Variants in UQCRH observed in about 807,000 individuals in gnomAD.
UQCRH encodes the protein cytochrome b-c1 complex subunit 6, mitochondrial.
A neutral mutation model predicts 16.3 loss-of-function variants in UQCRH; 14 were observed. The ratio of observed to expected loss-of-function variants is 0.86; its 90% CI spans 0.57 to 1.34. The LOEUF is 1.34. Among genes scored for constraint, UQCRH ranks in the 40% most tolerant of loss-of-function variants. The pLI, the probability that UQCRH is intolerant of heterozygous loss-of-function variation, is 0.00. For synonymous variants in UQCRH, 41 were observed against 41.9 expected, an observed-to-expected ratio of 0.98 and a Z score of 0.08; for missense variants, 89 against 111.9, an observed-to-expected ratio of 0.80 and a Z score of 0.92.
At chr1:46,310,419 G>C in intron 3 of UQCRH, 103 bp downstream of exon 3, 2 of 1,543,388 alleles carry the variant, frequency 1.3e-6, no homozygotes, top group South Asian at 2.4e-5. Context: ...AGTTACTCTG[G>C]GCCCAATATA....
intron 1 of UQCRH, among the ~76,000 whole-genome samples, chr1:46,304,523 C>G (rs1661326187): frequency 6.6e-6 from 1 of 151,874 alleles, no homozygotes; most frequent in Admixed American, 6.6e-5. Flanking sequence ...GTAGCTGGGA[C>G]TACAGGTGTC....
chr1:46,309,264 T>C (rs1006477213), intron 2 of UQCRH, 137 bp downstream of exon 2: 5 of 985,766 alleles, frequency 5.1e-6, no homozygotes, highest in Non-Finnish European at 7.5e-6. Context: ...ATACTTCCTG[T>C]GCAGTGGAGA....
intron 1 of UQCRH, 85 bp from the exon 2 acceptor site, chr1:46,309,016 C>T: frequency 1.4e-6 from 2 of 1,446,394 alleles, no homozygotes; most frequent in South Asian, 1.2e-5. Context: ...GTGTCAGTGT[C>T]TATCGTCAGT....
rs71638005 is a variant in UQCRH, at chr1:46,305,729, C to G, written c.54+1909C>G. Among the ~76,000 whole-genome samples the G allele has an allele frequency of 2.1e-5, 3 of 145,196 alleles. No homozygotes were observed. The Admixed American group carries it at 2.1e-4, about 10-fold the overall frequency. On this transcript the variant is annotated intron_variant, in intron 1 of 3. Coordinates refer to ENST00000311672, the MANE Select transcript of UQCRH (RefSeq NM_006004.4). Reference sequence around the variant, plus strand: ...TCGCGCCACTGCACTCCAGCCTGGGCGACAGAGCGAGACTCCGTCTCAAAA... The same window carrying G: ...TCGCGCCACTGCACTCCAGCCTGGGGGACAGAGCGAGACTCCGTCTCAAAA...
intron 3 of UQCRH, among the ~76,000 whole-genome samples, chr1:46,314,097 C>A (rs1003938295): frequency 1.3e-5 from 2 of 152,026 alleles, no homozygotes; most frequent in African/African-American, 4.8e-5. Flanking sequence ...GGGGCCGGGG[C>A]ACGGTGGCTC....
intron 3 of UQCRH, among the ~76,000 whole-genome samples, chr1:46,311,370 G>T (rs1331532688): frequency 6.6e-6 from 1 of 150,960 alleles, no homozygotes; most frequent in Non-Finnish European, 1.5e-5. Context: ...ACGAGGTCAG[G>T]AGATTGAGAC....
In UQCRH at chr1:46,316,750, C is replaced by T; in HGVS notation, c.*166C>T. 3.2e-6 allele frequency: 3 copies of T among 945,962 alleles called. No individual in the cohort carries two copies. The highest frequency in any genetic ancestry group is 4.5e-5 in the South Asian group (2 of 44,648). The allele number at this position is 945,962 out of a possible 1,614,324, so 58.6% of individuals were successfully genotyped here. On this transcript the variant is annotated 3_prime_UTR_variant, in exon 4 of 4. Transcript: ENST00000311672. ...TCTATGTAATTCGCAATGATTCCAT[C>T]TAAATAAAAGTTCTATGATCTGCAA... is the stretch of plus-strand genomic sequence containing the variant.
At chr1:46,306,364 T>G (rs1012038753) in intron 1 of UQCRH, among the ~76,000 whole-genome samples, 4 of 150,818 alleles carry the variant, frequency 2.7e-5, no homozygotes, top group African/African-American at 9.7e-5. Flanking sequence ...TTAGTTTTTT[T>G]GGGAAAACTT....
chr1:46,308,396 G>A (rs936891550), intron 1 of UQCRH, among the ~76,000 whole-genome samples: 27 of 152,192 alleles, frequency 1.8e-4, no homozygotes, highest in African/African-American at 2.4e-4. Context: ...GGTGGGCAGC[G>A]TAGGTACACT....
Position 46,307,973 on chromosome 1 carries a change from A to G in UQCRH, c.55-1128A>G, listed in dbSNP as rs568223469. On this transcript the variant is annotated intron_variant, in intron 1 of 3. Transcript: ENST00000311672. ...TAGATTATGTAGGCCCCATGTGAAC[A>G]TCTGGCAGCTTGAATCTGTATCAGA... 2.6e-5 allele frequency among the ~76,000 whole-genome samples: 4 copies of G among 152,360 alleles called. No individual in the cohort carries two copies. In the South Asian group the frequency reaches 8.3e-4, roughly 32 times the overall value.
chr1:46,311,593 A>G (rs1208346548), intron 3 of UQCRH, among the ~76,000 whole-genome samples: 2 of 151,276 alleles, frequency 1.3e-5, no homozygotes, highest in Non-Finnish European at 2.9e-5. Context: ...GTTGGTCCAA[A>G]AGGTTGCTTT....
In UQCRH at chr1:46,303,734, C is replaced by G. The variant is rs1451316012; in HGVS notation, c.-33C>G. 1 of 1,613,950 alleles carries G rather than the reference C, an allele frequency of 6.2e-7. No homozygotes were observed. On this transcript the variant is annotated 5_prime_UTR_variant, in exon 1 of 4. Transcript: ENST00000311672. ...TGAACTGGGTTAGGTGCCGCTGTTG[C>G]TGCTCGTGTTGAATCTAGAACCGTA...
chr1:46,313,686 T>G (rs1446525865), intron 3 of UQCRH, among the ~76,000 whole-genome samples: 3 of 148,362 alleles, frequency 2.0e-5, no homozygotes, highest in Non-Finnish European at 4.5e-5. Flanking sequence ...GATAGATAGA[T>G]ATAGATAACC....
intron 1 of UQCRH, among the ~76,000 whole-genome samples, chr1:46,306,295 A>G (rs1056150737): frequency 6.6e-6 from 1 of 152,036 alleles, no homozygotes; most frequent in Non-Finnish European, 1.5e-5. Flanking sequence ...GGGAAATGAT[A>G]TAAGGGTCTT....
intron 3 of UQCRH, among the ~76,000 whole-genome samples, chr1:46,314,435 C>T (rs958028752): frequency 3.3e-5 from 5 of 151,458 alleles, no homozygotes; most frequent in Non-Finnish European, 7.4e-5. Flanking sequence ...TTTTGGGAGG[C>T]CGAGGCAAGT....
chr1:46,310,413 ACTCTGGGCC>A, intron 3 of UQCRH, 97 bp downstream of exon 3: 1 of 1,552,474 alleles, frequency 6.4e-7, no homozygotes, highest in East Asian at 2.3e-5. Context: ...CCCATCAGTT[ACTCTGGGCC>A]CAATATATGT....
At chr1:46,313,057 T>C (rs572935193) in intron 3 of UQCRH, among the ~76,000 whole-genome samples, 1 of 152,226 alleles carries the variant, frequency 6.6e-6, no homozygotes, top group South Asian at 2.1e-4. Context: ...AGGCTAAATA[T>C]ACAGTTAATA....
rs1351301019 is a variant in UQCRH, at chr1:46,310,155, G to T, written c.82G>T (p.Asp28Tyr). The T allele has an allele frequency of 6.2e-7, 1 of 1,614,146 alleles. No homozygotes were observed. Among genetic ancestry groups the T allele is most frequent in the East Asian group, 2.2e-5 (1 of 44,886 alleles). The change falls in exon 3 of 4, where the codon GAT becomes TAT. Residue 28 changes from aspartate to tyrosine, a missense_variant and splice_region_variant. Coordinates refer to ENST00000311672, the MANE Select transcript of UQCRH (RefSeq NM_006004.4). ...EEEEEEEELV[D>Y]PLTTVREQCE... ...TGTTTTTTTTCTGTTTCTACATCAG[G>T]ATCCCCTAACAACAGTGAGAGAGCA...
chr1:46,314,209 A>G (rs1661535915), intron 3 of UQCRH, among the ~76,000 whole-genome samples: 1 of 152,024 alleles, frequency 6.6e-6, no homozygotes, highest in Admixed American at 6.6e-5. Context: ...GTCTCAAAAT[A>G]CAAAAGATTA....
Sources: gnomAD v4.1 joint callset for allele counts (sites outside exome capture counted in the v4.1 genomes callset) on GRCh38, gnomAD v4.1.1 for gene constraint, MANE v1.5 for transcripts, NCBI Gene and HGNC (gene_info 2026-07-23, HGNC 2026-07-21) for gene names.